LRRC63: variants seen among roughly 807,000 people sequenced by gnomAD.
The protein encoded by LRRC63 is leucine-rich repeat-containing protein 63.
In LRRC63, 40 loss-of-function variants were observed where a neutral mutation model predicts 49.5. The ratio of observed to expected loss-of-function variants is 0.81; its 90% CI spans 0.63 to 1.05. The LOEUF (loss-of-function observed/expected upper bound fraction) is 1.05, where lower values mean the gene tolerates loss of function less well. Among genes scored for constraint, LRRC63 ranks in the 50% least tolerant of loss-of-function variants. LRRC63 has a pLI of 0.00. For missense variants in LRRC63, 636 were observed against 663.1 expected (o/e 0.96, Z 0.45); for synonymous variants, 191 against 221.1 (o/e 0.86, Z 1.21).
chr13:46,227,972 A>G (rs975748043), exon 3 of LRRC63: 1 of 1,550,946 alleles, frequency 6.4e-7, no homozygotes, highest in Middle Eastern at 1.7e-4. Flanking sequence ...AACCTTTACC[A>G]GAGAGTCCAG....
exon 3 of LRRC63, chr13:46,228,171 C>T (rs549732799): frequency 6.5e-7 from 1 of 1,547,204 alleles, no homozygotes; most frequent in Non-Finnish European, 8.7e-7. Flanking sequence ...AAGAAAACCT[C>T]ACAGGCAGTC....
rs571358382 is a variant in LRRC63, at chr13:46,264,935, T to C, written c.1311-1798T>C. ...ACTTTGGGAGGCCGAGGAGGGTGTATTGCCTGAGGTCAGGCATTCAAGACT... is the reference window on the plus strand; with the variant it reads ...ACTTTGGGAGGCCGAGGAGGGTGTACTGCCTGAGGTCAGGCATTCAAGACT... On this transcript the variant is annotated intron_variant, in intron 8 of 9. Transcript: ENST00000595396. Among the ~76,000 whole-genome samples, 5 of 152,200 alleles carry C rather than the reference T, an allele frequency of 3.3e-5. No individual in the cohort carries two copies. The South Asian group carries it at 1.0e-3, about 32-fold the overall frequency.
intron 3 of LRRC63, 95 bp from the exon 4 acceptor site, chr13:46,228,570 C>T (rs11840640): frequency 0.026 from 19,208 of 726,584 alleles, 661 homozygotes; most frequent in African/African-American, 0.14. Flanking sequence ...AATTGGAATC[C>T]ATTAAATGAT....
At chr13:46,249,785 C>T (rs987775943) in intron 6 of LRRC63, among the ~76,000 whole-genome samples, 1 of 151,800 alleles carries the variant, frequency 6.6e-6, no homozygotes, top group Admixed American at 6.6e-5. Context: ...TGTTAATATT[C>T]ACCAGAGAAA....
chr13:46,231,595 C>T (rs999143547), intron 4 of LRRC63, among the ~76,000 whole-genome samples: 41 of 152,104 alleles, frequency 2.7e-4, no homozygotes, highest in Non-Finnish European at 5.1e-4. Flanking sequence ...CTGCAACCTC[C>T]GCCTGCCAGG....
At chr13:46,247,043 T>C (rs1232277025) in intron 6 of LRRC63, among the ~76,000 whole-genome samples, 1 of 152,158 alleles carries the variant, frequency 6.6e-6, no homozygotes, top group East Asian at 1.9e-4. Context: ...TGAAGGATAA[T>C]CAGATATGAG....
At chr13:46,222,991 C>T (rs979926960) in intron 2 of LRRC63, among the ~76,000 whole-genome samples, 5 of 140,364 alleles carry the variant, frequency 3.6e-5, no homozygotes, top group Non-Finnish European at 7.5e-5. Context: ...TGTTCTCACT[C>T]ATAGGTGGTA....
chr13:46,255,643 C>CAAAAA (rs1445296831), intron 7 of LRRC63, among the ~76,000 whole-genome samples: 4 of 95,702 alleles, frequency 4.2e-5, no homozygotes, highest in African/African-American at 2.5e-4. Context: ...GACCCTGCCT[C>CAAAAA]AAATATATAT....
At chr13:46,265,963 G>T (rs999635992) in intron 8 of LRRC63, among the ~76,000 whole-genome samples, 2 of 152,218 alleles carry the variant, frequency 1.3e-5, no homozygotes, top group Non-Finnish European at 2.9e-5. Context: ...GTTACACTGT[G>T]TAGATATGAG....
intron 9 of LRRC63, among the ~76,000 whole-genome samples, chr13:46,272,785 A>C (rs1380109250): frequency 6.6e-6 from 1 of 152,270 alleles, no homozygotes; most frequent in East Asian, 1.9e-4. Context: ...AAATGTTTTG[A>C]CATGGAAAGT....
intron 7 of LRRC63, among the ~76,000 whole-genome samples, chr13:46,258,651 T>A (rs193200856): frequency 6.7e-6 from 1 of 149,780 alleles, no homozygotes; most frequent in African/African-American, 2.4e-5. Flanking sequence ...CTACTAAAAA[T>A]ACAAAAATTA....
At chr13:46,225,797 T>A (rs1200340744) in intron 2 of LRRC63, among the ~76,000 whole-genome samples, 1 of 152,158 alleles carries the variant, frequency 6.6e-6, no homozygotes, top group Non-Finnish European at 1.5e-5. Flanking sequence ...ATTAGCTCTA[T>A]CTCATTTTCA....
intron 9 of LRRC63, 22 bp downstream of exon 9, chr13:46,266,994 T>G (rs764549633): frequency 1.6e-5 from 24 of 1,503,394 alleles, no homozygotes; most frequent in Non-Finnish European, 2.0e-5. Flanking sequence ...CTGAAGCCCT[T>G]TTAACCAAAA....
At chr13:46,215,628 C>T (rs1482458908) in intron 2 of LRRC63, among the ~76,000 whole-genome samples, 1 of 152,036 alleles carries the variant, frequency 6.6e-6, no homozygotes, top group Non-Finnish European at 1.5e-5. Context: ...AACTAGATCC[C>T]ATTTTGTCAG....
intron 2 of LRRC63, among the ~76,000 whole-genome samples, chr13:46,214,085 A>G (rs1348413457): frequency 6.6e-6 from 1 of 151,978 alleles, no homozygotes; most frequent in Non-Finnish European, 1.5e-5. Flanking sequence ...TTTCTGTTGT[A>G]TGGTTTCTAT....
chr13:46,267,232 A>T (rs1047748438), intron 9 of LRRC63, among the ~76,000 whole-genome samples: 1 of 152,232 alleles, frequency 6.6e-6, no homozygotes, highest in African/African-American at 2.4e-5. Context: ...TGGCTGTTGC[A>T]TAAATCTTTT....
At chr13:46,236,346 T>A (rs549785592) in intron 5 of LRRC63, among the ~76,000 whole-genome samples, 2 of 152,070 alleles carry the variant, frequency 1.3e-5, no homozygotes, top group Non-Finnish European at 2.9e-5. Context: ...AGAAGGATAA[T>A]TGCCAAGAAA....
intron 8 of LRRC63, among the ~76,000 whole-genome samples, chr13:46,265,496 C>T (rs2047672363): frequency 6.6e-6 from 1 of 152,216 alleles, no homozygotes; most frequent in South Asian, 2.1e-4. Context: ...GGCCCACTTC[C>T]TCATAGACAG....
intron 8 of LRRC63, among the ~76,000 whole-genome samples, chr13:46,264,745 T>G (rs548599275): frequency 6.6e-6 from 1 of 152,058 alleles, no homozygotes; most frequent in South Asian, 2.1e-4. Context: ...CCAATGGCAG[T>G]CACATAACAC....
Sources: allele counts gnomAD v4.1 joint callset (sites outside exome capture counted in the v4.1 genomes callset), GRCh38; gene constraint gnomAD v4.1.1; transcripts MANE v1.5; gene names NCBI Gene and HGNC (gene_info 2026-07-23, HGNC 2026-07-21).